GPHN: variants seen among roughly 807,000 people sequenced by gnomAD.
GPHN encodes gephyrin.
Under a neutral mutation model 95.5 loss-of-function variants are expected in GPHN, and 17 were observed. The ratio of observed to expected loss-of-function variants is 0.18; its 90% CI spans 0.12 to 0.27. The LOEUF is 0.27. Among genes scored for constraint, GPHN ranks in the 10% least tolerant of loss-of-function variants. The probability of loss-of-function intolerance (pLI) is 1.00; values close to 1 mark genes in which losing one functional copy is unlikely to be tolerated. For synonymous variants in GPHN, 320 were observed against 322.5 expected (o/e 0.99, Z 0.08); for missense variants, 660 against 978.1 (o/e 0.67, Z 4.34).
At chr14:67,221,845 C>A in the GPHN span, 1 of 1,607,758 alleles carries the variant, frequency 6.2e-7, no homozygotes. Context: ...TATTGTGATC[C>A]CTGGTATTCA....
At chr14:66,999,260 T>C (rs986062969) in intron 9 of GPHN, among the ~76,000 whole-genome samples, 3 of 151,592 alleles carry the variant, frequency 2.0e-5, no homozygotes, top group African/African-American at 7.2e-5. Context: ...AAGATGCACC[T>C]ATAAGATACA....
intron 2 of GPHN, among the ~76,000 whole-genome samples, chr14:66,739,365 C>T (rs1453748204): frequency 7.9e-5 from 12 of 151,442 alleles, no homozygotes; most frequent in Non-Finnish European, 1.6e-4. Context: ...AACAGGCACC[C>T]GCCACCACGC....
chr14:67,200,867 C>T, the GPHN span, among the ~76,000 whole-genome samples: 11 of 152,196 alleles, frequency 7.2e-5, no homozygotes, highest in Non-Finnish European at 1.2e-4. Flanking sequence ...GGGTAGTTAG[C>T]AGTCTATAGG....
chr14:67,290,630 TCAAG>T, the GPHN span, among the ~76,000 whole-genome samples: 1 of 152,148 alleles, frequency 6.6e-6, no homozygotes, highest in African/African-American at 2.4e-5. Context: ...ACTGCTGAGC[TCAAG>T]CAATCTGTTC....
At chr14:66,623,443 T>C (rs190229253) in intron 1 of GPHN, among the ~76,000 whole-genome samples, 1 of 151,882 alleles carries the variant, frequency 6.6e-6, no homozygotes, top group African/African-American at 2.4e-5. Flanking sequence ...TGAAAGCAAA[T>C]ACAAAGCCTA....
chr14:66,518,302 A>G (rs146571127), intron 1 of GPHN, among the ~76,000 whole-genome samples: 6 of 152,250 alleles, frequency 3.9e-5, no homozygotes, highest in African/African-American at 1.4e-4. Flanking sequence ...CTCTTACCCC[A>G]GTTAGGATCA....
intron 4 of GPHN, among the ~76,000 whole-genome samples, chr14:66,873,762 G>A (rs777890938): frequency 5.9e-5 from 9 of 152,198 alleles, no homozygotes; most frequent in Non-Finnish European, 1.0e-4. Flanking sequence ...GCCCCAGGCA[G>A]GGGCTTATAG....
At chr14:66,715,064 C>A (rs2070036162) in intron 2 of GPHN, among the ~76,000 whole-genome samples, 1 of 152,150 alleles carries the variant, frequency 6.6e-6, no homozygotes, top group African/African-American at 2.4e-5. Flanking sequence ...ATAAATTCTT[C>A]TTTGAATGTC....
chr14:67,001,715 A>AAAAT (rs750697343), intron 9 of GPHN, among the ~76,000 whole-genome samples: 97 of 151,822 alleles, frequency 6.4e-4, no homozygotes, highest in African/African-American at 2.1e-3. Flanking sequence ...GCTTTGGCCA[A>AAAAT]AAATAAATAA....
chr14:67,463,781 CA>C, the GPHN span, among the ~76,000 whole-genome samples: 1 of 151,988 alleles, frequency 6.6e-6, no homozygotes, highest in Non-Finnish European at 1.5e-5. Context: ...CAACTAACTA[CA>C]TCTGAGCTAA....
chr14:67,570,257 T>C, the GPHN span: 4 of 851,546 alleles, frequency 4.7e-6, no homozygotes, highest in Non-Finnish European at 5.7e-6. Flanking sequence ...ATGCCCGCTT[T>C]ACAGCTCTCC....
intron 1 of GPHN, among the ~76,000 whole-genome samples, chr14:66,586,874 T>G (rs190578653): frequency 7.0e-4 from 106 of 151,988 alleles, no homozygotes; most frequent in Admixed American, 6.6e-3. Context: ...AATCCCTAGT[T>G]TATAGTAGCA....
intron 1 of GPHN, among the ~76,000 whole-genome samples, chr14:66,555,108 G>GA (rs551209614): frequency 5.1e-4 from 77 of 151,628 alleles, no homozygotes; most frequent in African/African-American, 1.7e-3. Context: ...TTTAAAAACA[G>GA]AAAAAAATCC....
the GPHN span, chr14:67,321,350 C>A: frequency 1.7e-6 from 2 of 1,192,678 alleles, no homozygotes; most frequent in South Asian, 1.3e-5. Context: ...CCAAGAACAG[C>A]GCGACCTAAT....
chr14:66,544,591 T>A (rs527941657), intron 1 of GPHN, among the ~76,000 whole-genome samples: 274 of 146,692 alleles, frequency 1.9e-3, no homozygotes, highest in Middle Eastern at 3.4e-3. Context: ...TTTTTTTTTT[T>A]AATTTATTTA....
At chr14:66,512,690 G>A (rs931410487) in intron 1 of GPHN, among the ~76,000 whole-genome samples, 14 of 151,686 alleles carry the variant, frequency 9.2e-5, no homozygotes, top group Admixed American at 7.9e-4. Context: ...AAATATTACA[G>A]TAACAGGTAG....
At chr14:66,733,378 C>CTAAT (rs2071974158) in intron 2 of GPHN, among the ~76,000 whole-genome samples, 1 of 151,476 alleles carries the variant, frequency 6.6e-6, no homozygotes, top group Non-Finnish European at 1.5e-5. Flanking sequence ...CTAATACAGA[C>CTAAT]ACCTAGCATT....
At chr14:67,014,912 A>T (rs182520716) in intron 9 of GPHN, among the ~76,000 whole-genome samples, 2 of 152,206 alleles carry the variant, frequency 1.3e-5, no homozygotes, top group East Asian at 3.9e-4. Context: ...CCAGCCTGGG[A>T]TTTGCAAAGT....
At chr14:67,250,559 T>C in the GPHN span, among the ~76,000 whole-genome samples, 23,463 of 152,198 alleles carry the variant, frequency 0.15, 3,415 homozygotes, top group East Asian at 0.42. Context: ...TGTTTTGTGA[T>C]TCTGATAGTC....
Sources: gnomAD v4.1 joint callset for allele counts (sites outside exome capture counted in the v4.1 genomes callset) on GRCh38, gnomAD v4.1.1 for gene constraint, MANE v1.5 for transcripts, NCBI Gene and HGNC (gene_info 2026-07-23, HGNC 2026-07-21) for gene names.